The following SBF2 variants were observed in gnomAD, a reference collection of about 807,000 sequenced individuals.
The protein encoded by SBF2 is myotubularin-related protein 13.
A neutral mutation model predicts 225.2 loss-of-function variants in SBF2; 112 were observed. That is an observed-to-expected ratio of 0.50 (90% CI 0.43 to 0.58). The LOEUF (loss-of-function observed/expected upper bound fraction) is 0.58. SBF2 is among the 20% of genes least tolerant of loss of function. The pLI is 0.00. For missense variants in SBF2, 1,996 were observed against 2,206.2 expected (o/e 0.90, Z 1.91); for synonymous variants, 763 against 773.3 (o/e 0.99, Z 0.22).
intron 27 of SBF2, 79 bp from the exon 28 acceptor site, chr11:9,829,575 CCTAT>C (rs747710165): frequency 6.7e-5 from 82 of 1,216,764 alleles, no homozygotes; most frequent in Middle Eastern, 5.1e-4. Context: ...TATCTATCTA[CCTAT>C]CTATCTATGC....
chr11:10,296,515 C>T (rs188771073), upstream of SBF2, among the ~76,000 whole-genome samples: 2 of 152,262 alleles, frequency 1.3e-5, no homozygotes, highest in African/African-American at 4.8e-5. Context: ...AATTACCTTC[C>T]ACCGGATCCC....
At chr11:10,221,121 CT>C (rs58196333) in intron 1 of SBF2, among the ~76,000 whole-genome samples, 2,214 of 138,482 alleles carry the variant, frequency 0.016, 35 homozygotes, top group African/African-American at 0.042. Context: ...CTGTTACTTC[CT>C]TTTTTTTTTT....
At chr11:9,932,359 A>T (rs1864556254) in intron 16 of SBF2, among the ~76,000 whole-genome samples, 1 of 152,218 alleles carries the variant, frequency 6.6e-6, no homozygotes, top group Non-Finnish European at 1.5e-5. Context: ...ATGAAGGAAA[A>T]AATGTTACGG....
intron 2 of SBF2, among the ~76,000 whole-genome samples, chr11:10,148,801 A>G (rs1377646530): frequency 1.3e-5 from 2 of 152,198 alleles, no homozygotes; most frequent in Non-Finnish European, 2.9e-5. Flanking sequence ...GCATTATGAA[A>G]TCCCACTGGA....
At chr11:10,237,903 A>G (rs1191875845) in intron 1 of SBF2, among the ~76,000 whole-genome samples, 1 of 152,210 alleles carries the variant, frequency 6.6e-6, no homozygotes, top group East Asian at 1.9e-4. Flanking sequence ...CTTCTATTGT[A>G]TAAGTAGACC....
At chr11:9,936,669 T>C (rs747063810) in intron 16 of SBF2, among the ~76,000 whole-genome samples, 6 of 152,192 alleles carry the variant, frequency 3.9e-5, no homozygotes, top group Non-Finnish European at 8.8e-5. Flanking sequence ...TGGATGAGGC[T>C]GGAAACCATC....
At chr11:9,829,814 T>C in intron 27 of SBF2, 2 of 343,134 alleles carry the variant, frequency 5.8e-6, no homozygotes, top group Admixed American at 4.2e-5. Flanking sequence ...AGGGCATAGC[T>C]TCTCATTATC....
At chr11:9,809,826 G>A (rs1246290696) in intron 30 of SBF2, among the ~76,000 whole-genome samples, 3 of 152,094 alleles carry the variant, frequency 2.0e-5, no homozygotes, top group African/African-American at 4.8e-5. Flanking sequence ...CATTACAGGC[G>A]TGAACCACCA....
intron 2 of SBF2, among the ~76,000 whole-genome samples, chr11:10,127,225 A>C (rs1222889915): frequency 2.6e-5 from 4 of 152,146 alleles, no homozygotes; most frequent in Non-Finnish European, 4.4e-5. Context: ...AATTTAAAAA[A>C]TTAAATAAAT....
chr11:10,216,756 G>C (rs1441762952), intron 1 of SBF2, among the ~76,000 whole-genome samples: 1 of 152,160 alleles, frequency 6.6e-6, no homozygotes, highest in Non-Finnish European at 1.5e-5. Flanking sequence ...TGTAATCCCA[G>C]CTACTCGTGA....
chr11:9,803,563 G>C (rs115617724), intron 32 of SBF2, among the ~76,000 whole-genome samples: 1,916 of 151,862 alleles, frequency 0.013, 41 homozygotes, highest in African/African-American at 0.044. Context: ...TCCCATCTTT[G>C]AGGACAGTGT....
intron 1 of SBF2, among the ~76,000 whole-genome samples, chr11:10,211,255 T>G (rs1425433025): frequency 1.3e-5 from 2 of 152,182 alleles, no homozygotes; most frequent in Non-Finnish European, 2.9e-5. Context: ...TTCACTGTGA[T>G]TCTCCTGTCA....
At chr11:10,233,844 C>G (rs1222836501) in intron 1 of SBF2, among the ~76,000 whole-genome samples, 1 of 152,188 alleles carries the variant, frequency 6.6e-6, no homozygotes, top group Non-Finnish European at 1.5e-5. Context: ...TAACATGGGA[C>G]TCCTTCGATA....
intron 17 of SBF2, among the ~76,000 whole-genome samples, chr11:9,881,983 G>A (rs1316955996): frequency 4.6e-5 from 7 of 152,094 alleles, no homozygotes; most frequent in Admixed American, 4.6e-4. Context: ...GTGAGACCTT[G>A]TGTTTAAAAA....
At chr11:9,796,199 G>A (rs1268387592) in intron 32 of SBF2, among the ~76,000 whole-genome samples, 1 of 151,874 alleles carries the variant, frequency 6.6e-6, no homozygotes, top group East Asian at 1.9e-4. Flanking sequence ...TAATCTCTAC[G>A]GTATAGCAAG....
At chr11:9,875,755 G>A (rs1333151144) in intron 17 of SBF2, among the ~76,000 whole-genome samples, 6 of 152,166 alleles carry the variant, frequency 3.9e-5, no homozygotes, top group Non-Finnish European at 2.9e-5. Context: ...TTCATGGAGG[G>A]GTAGGAGAAA....
intron 2 of SBF2, among the ~76,000 whole-genome samples, chr11:10,072,474 A>T (rs1326471199): frequency 2.0e-5 from 3 of 149,406 alleles, no homozygotes; most frequent in African/African-American, 7.4e-5. Context: ...ATATACTTCT[A>T]TTTTTTTTTT....
intron 1 of SBF2, among the ~76,000 whole-genome samples, chr11:10,207,971 C>A (rs1957801363): frequency 6.6e-6 from 1 of 152,062 alleles, no homozygotes; most frequent in Admixed American, 6.5e-5. Flanking sequence ...TATGAATACA[C>A]AGAAATCATC....
chr11:10,287,524 C>T (rs1307374626), intron 1 of SBF2, among the ~76,000 whole-genome samples: 2 of 152,144 alleles, frequency 1.3e-5, no homozygotes, highest in African/African-American at 4.8e-5. Flanking sequence ...AATCCTCCAG[C>T]CTCAGCCTCC....
Sources: gnomAD v4.1 joint callset for allele counts (sites outside exome capture counted in the v4.1 genomes callset) on GRCh38, gnomAD v4.1.1 for gene constraint, MANE v1.5 for transcripts, NCBI Gene and HGNC (gene_info 2026-07-23, HGNC 2026-07-21) for gene names.